DIS3L2: variants seen among roughly 807,000 people sequenced by gnomAD.
The protein encoded by DIS3L2 is DIS3 like 3'-5' exoribonuclease 2.
In DIS3L2, 34 loss-of-function variants were observed where a neutral mutation model predicts 97.5. That is an observed-to-expected ratio of 0.35 (90% confidence interval 0.27 to 0.46). DIS3L2 has a LOEUF of 0.46. DIS3L2 is among the 20% of genes least tolerant of loss of function. DIS3L2 has a pLI of 1.00. For synonymous variants in DIS3L2, 435 were observed against 445.2 expected (o/e 0.98, Z 0.29); for missense variants, 1,038 against 1,146.0 (o/e 0.91, Z 1.36).
intron 9 of DIS3L2, among the ~76,000 whole-genome samples, chr2:232,168,823 C>T (rs1690899660): frequency 6.6e-6 from 1 of 152,126 alleles, no homozygotes; most frequent in Non-Finnish European, 1.5e-5. Context: ...GGTTAGCATG[C>T]AGTACTGTAC....
intron 13 of DIS3L2, among the ~76,000 whole-genome samples, chr2:232,275,473 C>T (rs1312020661): frequency 6.6e-6 from 1 of 152,166 alleles, no homozygotes; most frequent in Non-Finnish European, 1.5e-5. Context: ...TGCCCAGGGA[C>T]ACTGTGCCCA....
intron 9 of DIS3L2, among the ~76,000 whole-genome samples, chr2:232,196,845 A>G (rs1691769843): frequency 6.6e-6 from 1 of 151,834 alleles, no homozygotes; most frequent in Non-Finnish European, 1.5e-5. Context: ...AAATGTGTAT[A>G]GCTTTTATAG....
At chr2:232,287,214 A>C (rs1694456713) in intron 13 of DIS3L2, among the ~76,000 whole-genome samples, 1 of 152,134 alleles carries the variant, frequency 6.6e-6, no homozygotes, top group South Asian at 2.1e-4. Flanking sequence ...TTCCCCTAAG[A>C]TTATTGTGAA....
intron 13 of DIS3L2, among the ~76,000 whole-genome samples, chr2:232,272,676 C>T (rs377557827): frequency 6.6e-6 from 1 of 152,158 alleles, no homozygotes; most frequent in African/African-American, 2.4e-5. Flanking sequence ...TCTAACAGAA[C>T]AGCCCAGAAG....
At chr2:231,992,581 C>A (rs1469591155) in intron 1 of DIS3L2, among the ~76,000 whole-genome samples, 1 of 151,886 alleles carries the variant, frequency 6.6e-6, no homozygotes, top group Non-Finnish European at 1.5e-5. Context: ...ATCCCCCCAG[C>A]CCATTCATTT....
intron 4 of DIS3L2, among the ~76,000 whole-genome samples, 168 bp downstream of exon 4, chr2:232,024,498 A>G (rs1694605700): frequency 6.6e-6 from 1 of 152,210 alleles, no homozygotes. Flanking sequence ...TTTGGTTAAC[A>G]ACCCCTTCTG....
intron 6 of DIS3L2, among the ~76,000 whole-genome samples, chr2:232,118,398 A>G (rs1279892571): frequency 6.6e-6 from 1 of 152,088 alleles, no homozygotes; most frequent in Non-Finnish European, 1.5e-5. Context: ...ATTTCTTCCA[A>G]CCAAGTGTGT....
At chr2:232,060,955 ATTG>A (rs1045364870) in intron 5 of DIS3L2, among the ~76,000 whole-genome samples, 1 of 152,020 alleles carries the variant, frequency 6.6e-6, no homozygotes, top group African/African-American at 2.4e-5. Flanking sequence ...TATTTTTCAG[ATTG>A]TTCTGTGTTG....
chr2:232,330,534 C>T (rs929201156), intron 15 of DIS3L2, among the ~76,000 whole-genome samples, 156 bp from the exon 16 acceptor site: 28 of 152,162 alleles, frequency 1.8e-4, no homozygotes, highest in Non-Finnish European at 1.9e-4. Context: ...TGGGCGGCTG[C>T]CCCCTCTCCC....
At chr2:232,068,411 A>T (rs1695910975) in intron 5 of DIS3L2, among the ~76,000 whole-genome samples, 1 of 1,014 alleles carries the variant, frequency 9.9e-4, no homozygotes. Flanking sequence ...ATTGCTACTA[A>T]AAAAAAAAAA....
At chr2:232,072,783 G>GGGGTGTGTGTGT (rs1401996898) in intron 5 of DIS3L2, among the ~76,000 whole-genome samples, 8 of 139,906 alleles carry the variant, frequency 5.7e-5, no homozygotes, top group African/African-American at 1.4e-4. Flanking sequence ...TGGGATGTGG[G>GGGGTGTGTGTGT]GTGTGTGTGT....
chr2:232,018,709 A>T (rs896957147), intron 3 of DIS3L2, among the ~76,000 whole-genome samples: 8 of 147,174 alleles, frequency 5.4e-5, no homozygotes, highest in African/African-American at 1.3e-4. Context: ...AGGGGGATTT[A>T]AAAAAAAACA....
intron 14 of DIS3L2, among the ~76,000 whole-genome samples, chr2:232,319,364 C>T (rs915590556): frequency 6.6e-6 from 1 of 152,368 alleles, no homozygotes; most frequent in Middle Eastern, 3.4e-3. Context: ...ACTTCCACAA[C>T]AGCCAAACAT....
intron 12 of DIS3L2, among the ~76,000 whole-genome samples, chr2:232,255,660 A>G (rs976095465): frequency 3.3e-5 from 5 of 152,182 alleles, no homozygotes; most frequent in African/African-American, 1.2e-4. Context: ...AGACCTTAGA[A>G]CCTTAGAATC....
At chr2:231,963,164 C>T (rs1692617423) in intron 1 of DIS3L2, among the ~76,000 whole-genome samples, 1 of 152,184 alleles carries the variant, frequency 6.6e-6, no homozygotes, top group African/African-American at 2.4e-5. Flanking sequence ...AACTGCTTTC[C>T]ACAGTGGCTG....
rs183343993 is a variant in DIS3L2, at chr2:232,272,171, G to A, written c.1659+8731G>A. Among the ~76,000 whole-genome samples, 648 of 152,228 alleles carry A rather than the reference G, an allele frequency of 4.3e-3. 7 individuals are homozygous for A. Among genetic ancestry groups the A allele is most frequent in the Middle Eastern group, 0.02 (6 of 294 alleles). ...ACTCATCATTTTCAAAAATTAGAAG[G>A]AATACAGGTTGCATTATTCTGGAAG... is the stretch of plus-strand genomic sequence containing the variant. On this transcript the variant is annotated intron_variant, in intron 13 of 20. Coordinates refer to ENST00000325385, the MANE Select transcript of DIS3L2 (RefSeq NM_152383.5).
At chr2:232,040,531 A>G (rs969288093) in intron 5 of DIS3L2, among the ~76,000 whole-genome samples, 3 of 152,142 alleles carry the variant, frequency 2.0e-5, no homozygotes, top group African/African-American at 7.2e-5. Context: ...TCCCATAACC[A>G]TAGCCCATAC....
chr2:232,303,474 AG>A (rs1245919559), intron 14 of DIS3L2, among the ~76,000 whole-genome samples: 1 of 152,236 alleles, frequency 6.6e-6, no homozygotes, highest in Non-Finnish European at 1.5e-5. Context: ...AGCTAGCTTG[AG>A]TATTAGTTTG....
At chr2:232,300,263 C>T (rs1362114644) in intron 14 of DIS3L2, 144 bp downstream of exon 14, 2 of 717,130 alleles carry the variant, frequency 2.8e-6, no homozygotes, top group African/African-American at 1.8e-5. Flanking sequence ...ATAGCTGGCA[C>T]AGAAATAGTC....
Sources: gnomAD v4.1 joint callset for allele counts (sites outside exome capture counted in the v4.1 genomes callset) on GRCh38, gnomAD v4.1.1 for gene constraint, MANE v1.5 for transcripts, NCBI Gene and HGNC (gene_info 2026-07-23, HGNC 2026-07-21) for gene names.